CENPF: variants seen among roughly 807,000 people sequenced by gnomAD.
CENPF encodes AH antigen.
In CENPF, 214 loss-of-function variants were observed where a neutral mutation model predicts 307.3. That is an observed-to-expected ratio of 0.70 (90% CI 0.62 to 0.78). The LOEUF is 0.78. CENPF is among the 30% of genes least tolerant of loss of function. The probability of loss-of-function intolerance (pLI) is 0.00; values close to 1 mark genes in which losing one functional copy is unlikely to be tolerated. For synonymous variants in CENPF, 1,259 were observed against 1,270.6 expected, an observed-to-expected ratio of 0.99 and a Z score of 0.19; for missense variants, 3,401 against 3,483.9, an observed-to-expected ratio of 0.98 and a Z score of 0.60.
Position 214,645,198 on chromosome 1 carries a change from A to G in CENPF, c.5628A>G (p.Lys1876=). Residue 1876 remains lysine, a synonymous_variant, in exon 13 of 20, where the codon AAA becomes AAG. Coordinates refer to ENST00000366955, the MANE Select transcript of CENPF (RefSeq NM_016343.4). ...LNSDLEMHAD[K]SSREDIGDNV... ...CTGATTTAGAAATGCATGCAGATAA[A>G]TCATCACGTGAAGATATTGGAGATA... 1 of 1,614,078 alleles carries G rather than the reference A, an allele frequency of 6.2e-7. No homozygotes were observed. Among genetic ancestry groups the G allele is most frequent in the Non-Finnish European group, 8.5e-7 (1 of 1,180,004 alleles).
intron 3 of CENPF, among the ~76,000 whole-genome samples, chr1:214,616,841 CTTTCTTTCTTTCTTTCTTTCTT>C (rs1657356548): frequency 8.1e-4 from 2 of 2,458 alleles, no homozygotes; most frequent in African/African-American, 1.3e-3. Flanking sequence ...CTTCCTCTTT[CTTTCTTTCTTTCTTTCTTTCTT>C]TCTTTCTTTC....
At chr1:214,663,509 A>G in intron 19 of CENPF, 82 bp from the exon 20 acceptor site, 1 of 1,351,880 alleles carries the variant, frequency 7.4e-7, no homozygotes. Flanking sequence ...TTAATTTAAA[A>G]CTTAGTGACA....
At chr1:214,658,647 T>C (rs573616150) in intron 18 of CENPF, among the ~76,000 whole-genome samples, 1 of 152,310 alleles carries the variant, frequency 6.6e-6, no homozygotes, top group Admixed American at 6.5e-5. Context: ...ATGTTTCTAA[T>C]AAGAGAAAAA....
chr1:214,652,012 GT>G, intron 15 of CENPF, 126 bp downstream of exon 15: 1 of 677,352 alleles, frequency 1.5e-6, no homozygotes, highest in East Asian at 3.1e-5. Context: ...CTTTTAAAAG[GT>G]CTCACATTAA....
At chr1:214,610,502 G>A (rs940289290) in intron 1 of CENPF, among the ~76,000 whole-genome samples, 15 of 147,034 alleles carry the variant, frequency 1.0e-4, no homozygotes, top group Non-Finnish European at 1.8e-4. Flanking sequence ...TTTTAGAAAA[G>A]TGTTCATGTC....
chr1:214,621,175 C>T (rs1176288963), intron 6 of CENPF, among the ~76,000 whole-genome samples: 2 of 152,184 alleles, frequency 1.3e-5, no homozygotes, highest in African/African-American at 4.8e-5. Flanking sequence ...CTGGAAGCCT[C>T]TAAAGTACGT....
chr1:214,608,975 G>C, intron 1 of CENPF: 1 of 882,584 alleles, frequency 1.1e-6, no homozygotes, highest in Non-Finnish European at 1.6e-6. Context: ...TACGGCCCCA[G>C]ACGGCAGCCC....
In CENPF at chr1:214,645,346, G is replaced by C. The variant is rs954619379; in HGVS notation, c.5776G>C (p.Glu1926Gln). The change falls in exon 13 of 20, where the codon GAG becomes CAG. Residue 1926 changes from glutamate (E) to glutamine (Q), a missense_variant. By Grantham distance (29) the Glu-to-Gln change is conservative. Transcript: ENST00000366955. ...AGCCCTCTACCTGGAGGCTGACTTA[G>C]AGGTAGTTCAAACAGAGAAGCTATG... is the stretch of plus-strand genomic sequence containing the variant. ...HEALYLEADL[E>Q]VVQTEKLCLE... The C allele has an allele frequency of 6.2e-7, 1 of 1,614,150 alleles. No individual in the cohort carries two copies. Among genetic ancestry groups the C allele is most frequent in the Non-Finnish European group, 8.5e-7 (1 of 1,180,020 alleles).
chr1:214,632,885 G>A (rs1657847728), intron 10 of CENPF, among the ~76,000 whole-genome samples: 1 of 152,152 alleles, frequency 6.6e-6, no homozygotes, highest in Non-Finnish European at 1.5e-5. Flanking sequence ...TTAAGAATAT[G>A]TAGTCCTTCC....
rs763618398 is a variant in CENPF at position 214,637,877 on chromosome 1, G to A, written c.1458G>A (p.Lys486=). ...ELRRSMEEMK[K]ENNLLKSHSE... is the part of the protein sequence containing the mutation. The stretch of plus-strand genomic sequence containing the variant: ...AATGTGTGTTTTAGGAAATGAAGAA[G>A]GAAAACAACCTCCTTAAGAGTCACT... Residue 486 remains lysine (K), a synonymous_variant, in exon 11 of 20, where the codon AAG becomes AAA. Coordinates refer to ENST00000366955, the MANE Select transcript of CENPF (RefSeq NM_016343.4). The A allele has an allele frequency of 1.2e-6, 2 of 1,600,978 alleles. No individual in the cohort carries two copies. The highest frequency in any genetic ancestry group is 1.8e-5 in the Admixed American group (1 of 55,274).
chr1:214,656,605 G>A (rs1020620877), intron 17 of CENPF, among the ~76,000 whole-genome samples: 5 of 152,104 alleles, frequency 3.3e-5, no homozygotes, highest in African/African-American at 1.2e-4. Flanking sequence ...GGGAAAATAA[G>A]GATGTAAAAA....
At chr1:214,636,068 G>T (rs1657957997) in intron 10 of CENPF, among the ~76,000 whole-genome samples, 1 of 152,042 alleles carries the variant, frequency 6.6e-6, no homozygotes, top group African/African-American at 2.4e-5. Context: ...TTACATTCTA[G>T]TTCCTCTTCT....
chr1:214,607,140 A>G (rs1657056425), intron 1 of CENPF, among the ~76,000 whole-genome samples: 1 of 152,168 alleles, frequency 6.6e-6, no homozygotes, highest in African/African-American at 2.4e-5. Context: ...CCTGGCAGCC[A>G]TGGTCAGTAG....
Position 214,640,846 on chromosome 1 carries a change from A to ATT in CENPF, c.2511_2512dup (p.Ser838PhefsTer3). The stretch of plus-strand genomic sequence containing the variant: ...TACAAAATAGAGTTGATTCACTTGA[A>ATT]TTTTCATTAGAGTCTCAAAAACAGA... On this transcript the variant is annotated frameshift_variant, in exon 12 of 20. Transcript: ENST00000366955. LOFTEE classifies it high-confidence loss of function. The ATT allele has an allele frequency of 4.4e-6, 7 of 1,600,452 alleles. No individual in the cohort carries two copies. Among genetic ancestry groups the ATT allele is most frequent in the Non-Finnish European group, 4.3e-6 (5 of 1,175,412 alleles).
rs781769074 is a variant in CENPF at position 214,645,741 on chromosome 1, A to G, written c.6171A>G (p.Gln2057=). 2 of 1,614,204 alleles carry G rather than the reference A, an allele frequency of 1.2e-6. No homozygotes were observed. Among genetic ancestry groups the G allele is most frequent in the East Asian group, 4.5e-5 (2 of 44,878 alleles). The change falls in exon 13 of 20, where the codon CAA becomes CAG. Residue 2057 remains glutamine (Q), a synonymous_variant. Transcript: ENST00000366955. The part of the protein sequence containing the change: ...LSLTKCELEN[Q]IAQLNKEKEL... ...TGACAAAATGTGAGCTGGAAAACCA[A>G]ATTGCACAACTGAATAAAGAGAAAG... is the stretch of plus-strand genomic sequence containing the variant.
Position 214,631,076 on chromosome 1 carries a change from G to A in CENPF, c.1323+414G>A, listed in dbSNP as rs114377933. 5.0e-3 allele frequency among the ~76,000 whole-genome samples: 758 copies of A among 152,254 alleles called. 4 individuals carry two copies. Among genetic ancestry groups the A allele is most frequent in the African/African-American group, 0.018 (729 of 41,558 alleles). On this transcript the variant is annotated intron_variant, in intron 9 of 19. Coordinates refer to ENST00000366955, the MANE Select transcript of CENPF (RefSeq NM_016343.4). The stretch of plus-strand genomic sequence containing the variant: ...TGTGATGATGACTCTACCCAGCCTG[G>A]ATGTCTATTCTAGACTTCAGGTGTG...
At chr1:214,644,481 A>T in intron 12 of CENPF, 76 bp from the exon 13 acceptor site, 1 of 1,391,644 alleles carries the variant, frequency 7.2e-7, no homozygotes, top group Non-Finnish European at 9.6e-7. Context: ...GTTTCTAAAA[A>T]GTAATAACTA....
In CENPF at chr1:214,657,257, GA is replaced by G; in HGVS notation, c.8812del (p.Ile2938TyrfsTer25). On this transcript the variant is annotated frameshift_variant, in exon 18 of 20. Transcript: ENST00000366955. LOFTEE classifies it high-confidence loss of function. The part of the protein sequence containing the change: ...KASGKRQRSS[G>X]IWENGRGPTP... ...TCAGGCAAGAGGCAAAGATCCAGTG[GA>G]ATATGGGAGAATGGTAGAGGACCAA... 1 of 1,614,082 alleles carries G rather than the reference GA, an allele frequency of 6.2e-7. No individual in the cohort carries two copies. Among genetic ancestry groups the G allele is most frequent in the Non-Finnish European group, 8.5e-7 (1 of 1,180,000 alleles).
rs1658067183 is a variant in CENPF at position 214,640,114 on chromosome 1, G to T, written c.1776G>T (p.Glu592Asp). 2 of 1,587,048 alleles carry T rather than the reference G, an allele frequency of 1.3e-6. No individual in the cohort carries two copies. Among genetic ancestry groups the T allele is most frequent in the Admixed American group, 3.9e-5 (2 of 51,854 alleles). ...TTAATGATAAGTTAAGCAAGACAGA[G>T]AAAGAGTCCAAAGCCTTGCTGAGTG... ...EQLNDKLSKT[E>D]KESKALLSAL... The change falls in exon 12 of 20, where the codon GAG becomes GAT. Residue 592 changes from glutamate (E) to aspartate (D), a missense_variant. Coordinates refer to ENST00000366955, the MANE Select transcript of CENPF (RefSeq NM_016343.4).
Sources: allele counts gnomAD v4.1 joint callset (sites outside exome capture counted in the v4.1 genomes callset), GRCh38; gene constraint gnomAD v4.1.1; transcripts MANE v1.5; gene names NCBI Gene and HGNC (gene_info 2026-07-23, HGNC 2026-07-21).